ZC4H2: variants seen among roughly 807,000 people sequenced by gnomAD.
The protein encoded by ZC4H2 is zinc finger C4H2-type containing.
For synonymous variants in ZC4H2, 84 were observed against 66.3 expected, an observed-to-expected ratio of 1.27 and a Z score of -1.30; for missense variants, 137 against 173.9, an observed-to-expected ratio of 0.79 and a Z score of 1.19.
intron 1 of ZC4H2, among the ~76,000 whole-genome samples, chrX:64,991,892 A>G (rs1932316018): frequency 8.9e-6 from 1 of 112,076 alleles, no homozygotes; most frequent in African/African-American, 3.2e-5. Flanking sequence ...GAACCTTGAA[A>G]ATATGATGTT....
intron 1 of ZC4H2, among the ~76,000 whole-genome samples, chrX:64,927,908 C>T (rs369810154): frequency 8.9e-5 from 10 of 112,327 alleles, no homozygotes; most frequent in Middle Eastern, 9.2e-3. Context: ...ATATGTTTGA[C>T]GGCCACTTAA....
intron 1 of ZC4H2, among the ~76,000 whole-genome samples, chrX:64,957,092 C>T (rs931453099): frequency 8.9e-6 from 1 of 112,384 alleles, no homozygotes. Context: ...AGATTGAAAA[C>T]GTAACTTAGG....
chrX:64,940,882 C>T (rs1451775509), intron 1 of ZC4H2, among the ~76,000 whole-genome samples: 1 of 111,868 alleles, frequency 8.9e-6, no homozygotes, highest in African/African-American at 3.3e-5. Context: ...GCTATACGGG[C>T]TCTTTTTTGG....
At chrX:65,020,808 G>A (rs774983016) in intron 1 of ZC4H2, among the ~76,000 whole-genome samples, 11 of 111,804 alleles carry the variant, frequency 9.8e-5, no homozygotes, top group African/African-American at 2.6e-4. Flanking sequence ...CAAAGACATA[G>A]ATAGGCTCAA....
intron 1 of ZC4H2, among the ~76,000 whole-genome samples, chrX:65,001,654 G>C (rs895761970): frequency 9.0e-6 from 1 of 111,493 alleles, no homozygotes; most frequent in African/African-American, 3.3e-5. Flanking sequence ...ATGGCAAATT[G>C]GATAAAAAGT....
chrX:64,985,233 T>A (rs1932161032), intron 1 of ZC4H2, among the ~76,000 whole-genome samples: 1 of 111,988 alleles, frequency 8.9e-6, no homozygotes, highest in East Asian at 2.8e-4. Context: ...ATTGCTGGGT[T>A]GAATGGTAGT....
chrX:64,983,137 G>A (rs1326450133), intron 1 of ZC4H2, among the ~76,000 whole-genome samples: 1 of 111,417 alleles, frequency 9.0e-6, no homozygotes, highest in Non-Finnish European at 1.9e-5. Flanking sequence ...CTTCAGTCAG[G>A]CTGCCTGAGC....
At chrX:64,989,326 C>T (rs770386917) in intron 1 of ZC4H2, among the ~76,000 whole-genome samples, 3 of 111,878 alleles carry the variant, frequency 2.7e-5, no homozygotes, top group African/African-American at 6.5e-5. Flanking sequence ...GCCATTTTCA[C>T]GATATTGATT....
At chrX:64,973,223 AGTTT>A (rs1227548712) in intron 1 of ZC4H2, among the ~76,000 whole-genome samples, 2 of 109,672 alleles carry the variant, frequency 1.8e-5, no homozygotes, top group Non-Finnish European at 3.8e-5. Flanking sequence ...CCGTAATTTT[AGTTT>A]CTCCATTTTC....
chrX:65,007,874 G>T (rs1372850924), intron 1 of ZC4H2, among the ~76,000 whole-genome samples: 1 of 111,677 alleles, frequency 9.0e-6, no homozygotes, highest in Non-Finnish European at 1.9e-5. Context: ...GAAAACACTG[G>T]ATAAACACTC....
chrX:64,921,924 A>C lies in ZC4H2; in HGVS notation c.118T>G (p.Ser40Ala). ...RLKAEFEALE[S>A]EERHLKEYKQ... ...TATTCCTTCAGGTGCCTTTCCTCTG[A>C]CTCAAGTGCCTCAAACTCAGCCTTC... Residue 40 changes from serine (S) to alanine (A), a missense_variant, in exon 2 of 5, where the codon TCA becomes GCA. Physicochemically the swap from Ser to Ala is moderately conservative, Grantham distance 99. Transcript: ENST00000374839. The C allele has an allele frequency of 8.3e-7, 1 of 1,210,111 alleles. No homozygotes were observed. Among genetic ancestry groups the C allele is most frequent in the Non-Finnish European group, 1.1e-6 (1 of 895,196 alleles).
At chrX:65,023,640 T>A in intron 1 of ZC4H2, among the ~76,000 whole-genome samples, 1 of 111,763 alleles carries the variant, frequency 8.9e-6, no homozygotes, top group African/African-American at 3.2e-5. Context: ...GAAATAGGAA[T>A]GCTTTACACT....
chrX:64,946,581 GCACACACA>G (rs61275459), intron 1 of ZC4H2, among the ~76,000 whole-genome samples: 7 of 95,893 alleles, frequency 7.3e-5, no homozygotes, highest in Non-Finnish European at 1.2e-4. Context: ...TTAAATGCGT[GCACACACA>G]CACACACACA....
intron 1 of ZC4H2, among the ~76,000 whole-genome samples, chrX:64,941,812 G>T (rs1930294859): frequency 8.9e-6 from 1 of 111,807 alleles, no homozygotes; most frequent in South Asian, 3.8e-4. Context: ...TCTCATTGAT[G>T]TTAATCAGCA....
intron 1 of ZC4H2, among the ~76,000 whole-genome samples, chrX:64,937,960 A>T (rs1224822447): frequency 8.9e-6 from 1 of 111,900 alleles, no homozygotes; most frequent in East Asian, 2.8e-4. Context: ...AGCTAGAGAC[A>T]TGAAAAAACC....
At chrX:64,952,198 C>T (rs1930879755) in intron 1 of ZC4H2, among the ~76,000 whole-genome samples, 1 of 110,617 alleles carries the variant, frequency 9.0e-6, no homozygotes, top group Admixed American at 9.6e-5. Flanking sequence ...GTTTTGGTTA[C>T]TGTAGCCTTG....
At chrX:65,018,805 T>G (rs1479953605) in intron 1 of ZC4H2, among the ~76,000 whole-genome samples, 1 of 111,212 alleles carries the variant, frequency 9.0e-6, no homozygotes, top group Non-Finnish European at 1.9e-5. Context: ...TCACTGCCAG[T>G]ACAGCAGTCT....
At chrX:64,934,357 G>A (rs1929893763) in intron 1 of ZC4H2, among the ~76,000 whole-genome samples, 1 of 112,274 alleles carries the variant, frequency 8.9e-6, no homozygotes, top group South Asian at 3.7e-4. Flanking sequence ...AGTGACATAG[G>A]GTTATTCAAA....
intron 3 of ZC4H2, 138 bp downstream of exon 3, chrX:64,919,943 C>T: frequency 1.7e-6 from 1 of 595,708 alleles, no homozygotes. Flanking sequence ...CACTGAAAGG[C>T]CTGGGACTAA....
Sources: gnomAD v4.1 joint callset for allele counts (sites outside exome capture counted in the v4.1 genomes callset) on GRCh38, gnomAD v4.1.1 for gene constraint, MANE v1.5 for transcripts, NCBI Gene and HGNC (gene_info 2026-07-23, HGNC 2026-07-21) for gene names.